NVL: variants seen among roughly 807,000 people sequenced by gnomAD.
NVL encodes the protein nuclear valosin-containing protein-like.
NVL carries 84 observed loss-of-function variants against 110.2 expected under a neutral mutation model. The ratio of observed to expected loss-of-function variants is 0.76; its 90% CI spans 0.64 to 0.91. The LOEUF is 0.91. Among genes scored for constraint, NVL ranks in the 40% least tolerant of loss-of-function variants. The pLI, the probability that NVL is intolerant of heterozygous loss-of-function variation, is 0.00. For synonymous variants in NVL, 354 were observed against 361.1 expected, an observed-to-expected ratio of 0.98 and a Z score of 0.22; for missense variants, 882 against 1,035.9, an observed-to-expected ratio of 0.85 and a Z score of 2.04.
At chr1:224,322,243 ATTTTT>A (rs34841668) in intron 2 of NVL, among the ~76,000 whole-genome samples, 1 of 131,792 alleles carries the variant, frequency 7.6e-6, no homozygotes, top group African/African-American at 2.9e-5. Flanking sequence ...TGCCACGCTA[ATTTTT>A]TTTTTTTTTT....
rs1227400978 is a variant in NVL at position 224,236,594 on chromosome 1, A to C, written c.2290-12T>G. On this transcript the variant is annotated splice_polypyrimidine_tract_variant and intron_variant, in intron 19 of 22. Coordinates refer to ENST00000281701, the MANE Select transcript of NVL (RefSeq NM_002533.4). ...GGTTTGGTACCATTCTAAGTAAGAG[A>C]GAAAAATGATTTTTCATTGGAGCTT... The C allele has an allele frequency of 6.2e-7, 1 of 1,608,086 alleles. No individual in the cohort carries two copies. The highest frequency in any genetic ancestry group is 8.5e-7 in the Non-Finnish European group (1 of 1,174,670).
At chr1:224,249,622 G>A (rs919383514) in intron 19 of NVL, among the ~76,000 whole-genome samples, 2 of 152,152 alleles carry the variant, frequency 1.3e-5, no homozygotes, top group African/African-American at 4.8e-5. Flanking sequence ...GCGAGCACCT[G>A]TAGTCCCAGC....
At chr1:224,234,813 C>T (rs1660287536) in intron 20 of NVL, among the ~76,000 whole-genome samples, 1 of 152,070 alleles carries the variant, frequency 6.6e-6, no homozygotes, top group South Asian at 2.1e-4. Flanking sequence ...GCATGAAAAT[C>T]CAAAATGTAC....
At chr1:224,260,424 A>T (rs1663833479) in intron 18 of NVL, among the ~76,000 whole-genome samples, 1 of 151,830 alleles carries the variant, frequency 6.6e-6, no homozygotes, top group South Asian at 2.1e-4. Context: ...ATGGCCAGCT[A>T]ATTTTTGTAT....
intron 16 of NVL, among the ~76,000 whole-genome samples, chr1:224,280,837 G>A (rs1438072511): frequency 6.6e-6 from 1 of 152,138 alleles, no homozygotes; most frequent in African/African-American, 2.4e-5. Context: ...CATGACAACT[G>A]GACAAAAAGT....
intron 18 of NVL, among the ~76,000 whole-genome samples, chr1:224,261,361 A>G (rs573762041): frequency 1.3e-5 from 2 of 152,346 alleles, no homozygotes; most frequent in Admixed American, 1.3e-4. Context: ...TTTCTGGATT[A>G]TACTACTGGT....
intron 4 of NVL, among the ~76,000 whole-genome samples, chr1:224,314,195 G>C (rs1458691367): frequency 6.6e-6 from 1 of 152,088 alleles, no homozygotes; most frequent in Admixed American, 6.6e-5. Context: ...ATAAATCTTT[G>C]ACCCCAGAAA....
chr1:224,236,795 C>T (rs537655694), intron 19 of NVL: 23 of 454,998 alleles, frequency 5.1e-5, no homozygotes, highest in African/African-American at 4.0e-4. Flanking sequence ...CCTGTAGTCC[C>T]AGCTACTCGG....
At chr1:224,280,319 G>T (rs1044459933) in intron 16 of NVL, among the ~76,000 whole-genome samples, 2 of 151,596 alleles carry the variant, frequency 1.3e-5, no homozygotes, top group Non-Finnish European at 2.9e-5. Context: ...TTGACTTAAA[G>T]CCTCTATTAG....
chr1:224,275,927 C>T (rs1247898962), intron 16 of NVL, among the ~76,000 whole-genome samples: 2 of 152,152 alleles, frequency 1.3e-5, no homozygotes, highest in Non-Finnish European at 2.9e-5. Flanking sequence ...TTTTGTCATA[C>T]AGCATCAGAG....
chr1:224,240,656 T>G (rs955798325), intron 19 of NVL, among the ~76,000 whole-genome samples: 3 of 152,296 alleles, frequency 2.0e-5, no homozygotes, highest in Admixed American at 1.3e-4. Flanking sequence ...GGGTATGAAC[T>G]TCACAAAACG....
At chr1:224,281,407 TCTC>T (rs1242334328) in intron 15 of NVL, among the ~76,000 whole-genome samples, 2 of 151,308 alleles carry the variant, frequency 1.3e-5, no homozygotes, top group Non-Finnish European at 2.9e-5. Context: ...TTGACGCCAT[TCTC>T]CTGCCTCAGC....
rs779169231 is a variant in NVL at position 224,307,990 on chromosome 1, C to A, written c.615+1G>T. ...GGGCTAAAATTTCATTACAAAAATA[C>A]CTGTATCTCAGTTATTGGCTTCTTA... On this transcript the variant is annotated splice_donor_variant, in intron 6 of 22. Coordinates refer to ENST00000281701, the MANE Select transcript of NVL (RefSeq NM_002533.4). LOFTEE classifies it high-confidence loss of function. 9.9e-6 allele frequency: 15 copies of A among 1,512,338 alleles called. No homozygotes were observed. The South Asian group carries it at 1.7e-4, about 17-fold the overall frequency. 93.7% of individuals were successfully genotyped at this position (1,512,338 alleles called of 1,614,324 possible).
chr1:224,286,922 A>T (rs1048336441), intron 14 of NVL, among the ~76,000 whole-genome samples: 1 of 152,234 alleles, frequency 6.6e-6, no homozygotes, highest in Non-Finnish European at 1.5e-5. Context: ...TTTTATGTGC[A>T]TTAAAATTGC....
chr1:224,307,297 G>C (rs778077168), intron 6 of NVL, among the ~76,000 whole-genome samples: 5 of 152,086 alleles, frequency 3.3e-5, no homozygotes, highest in Non-Finnish European at 7.4e-5. Flanking sequence ...TACCTAACAG[G>C]GTGGTAGGAG....
chr1:224,264,726 G>A (rs1363288559), intron 18 of NVL, among the ~76,000 whole-genome samples: 6 of 108,190 alleles, frequency 5.5e-5, no homozygotes, highest in African/African-American at 1.8e-4. Flanking sequence ...AAGTGAAGAA[G>A]ATCTAGAACG....
At chr1:224,264,092 T>C (rs1664248086) in intron 18 of NVL, among the ~76,000 whole-genome samples, 1 of 152,066 alleles carries the variant, frequency 6.6e-6, no homozygotes, top group Non-Finnish European at 1.5e-5. Context: ...AGACCAAGGA[T>C]TGTGAAGACA....
At chr1:224,284,700 T>A (rs2102610329) in intron 15 of NVL, among the ~76,000 whole-genome samples, 1 of 152,240 alleles carries the variant, frequency 6.6e-6, no homozygotes, top group African/African-American at 2.4e-5. Flanking sequence ...TAGTAATTTT[T>A]AAAATGCAAA....
chr1:224,262,191 CA>C (rs966422276), intron 18 of NVL, among the ~76,000 whole-genome samples: 1 of 151,740 alleles, frequency 6.6e-6, no homozygotes, highest in Non-Finnish European at 1.5e-5. Flanking sequence ...ACAAATTAAA[CA>C]AACAAACAAA....
Sources: allele counts gnomAD v4.1 joint callset (sites outside exome capture counted in the v4.1 genomes callset), GRCh38; gene constraint gnomAD v4.1.1; transcripts MANE v1.5; gene names NCBI Gene and HGNC (gene_info 2026-07-23, HGNC 2026-07-21).